ARMC3: variants seen among roughly 807,000 people sequenced by gnomAD.
ARMC3 encodes the protein armadillo repeat containing 3.
A neutral mutation model predicts 90.3 loss-of-function variants in ARMC3; 74 were observed. The ratio of observed to expected loss-of-function variants is 0.82; its 90% CI spans 0.68 to 0.99. The LOEUF is 0.99. Among genes scored for constraint, ARMC3 ranks in the 50% least tolerant of loss-of-function variants. The pLI is 0.00. For synonymous variants in ARMC3, 334 were observed against 361.8 expected (o/e 0.92, Z 0.87); for missense variants, 958 against 1,042.8 (o/e 0.92, Z 1.12).
chr10:22,979,684 A>G (rs1263624446), intron 8 of ARMC3, among the ~76,000 whole-genome samples: 2 of 152,190 alleles, frequency 1.3e-5, no homozygotes, highest in Non-Finnish European at 2.9e-5. Context: ...TTTGGATATT[A>G]CTTATTCAGT....
chr10:23,015,442 A>G (rs1373448557), intron 16 of ARMC3, among the ~76,000 whole-genome samples: 1 of 152,238 alleles, frequency 6.6e-6, no homozygotes, highest in Non-Finnish European at 1.5e-5. Flanking sequence ...AATAGCATTC[A>G]CTAGATCTGT....
At position 23,037,505 on chromosome 10, in the gene ARMC3, T is replaced by C. The variant is rs1219990951; in HGVS notation, c.*26T>C. 1 of 1,588,970 alleles carries C rather than the reference T, an allele frequency of 6.3e-7. No homozygotes were observed. The highest frequency in any genetic ancestry group is 1.7e-5 in the Admixed American group (1 of 58,390). On this transcript the variant is annotated 3_prime_UTR_variant, in exon 19 of 19. Transcript: ENST00000298032. ...GCCATCAGACGAACACAAGAGAGGC[T>C]CAAACAAGAAATTCACTGTGTACAC...
intron 18 of ARMC3, among the ~76,000 whole-genome samples, chr10:23,035,267 C>A (rs1839084349): frequency 6.6e-6 from 1 of 152,134 alleles, no homozygotes; most frequent in African/African-American, 2.4e-5. Flanking sequence ...CCCTCATGAC[C>A]TCATCTAAAC....
chr10:22,966,462 G>A (rs990004659), intron 7 of ARMC3, among the ~76,000 whole-genome samples: 11 of 152,130 alleles, frequency 7.2e-5, no homozygotes, highest in South Asian at 2.1e-4. Context: ...TCTTCTCCAC[G>A]CATGTATAGT....
At chr10:22,997,035 T>C (rs1404377091) in intron 10 of ARMC3, among the ~76,000 whole-genome samples, 1 of 152,194 alleles carries the variant, frequency 6.6e-6, no homozygotes, top group East Asian at 1.9e-4. Flanking sequence ...TCTTGACTTC[T>C]ATTACTATGA....
intron 11 of ARMC3, among the ~76,000 whole-genome samples, chr10:22,999,273 T>G (rs1837169046): frequency 1.3e-5 from 2 of 152,192 alleles, no homozygotes; most frequent in Non-Finnish European, 2.9e-5. Context: ...TTAGGCCAGG[T>G]GCAGTGGCTC....
chr10:22,980,248 T>G (rs1056901222), intron 8 of ARMC3, among the ~76,000 whole-genome samples: 3 of 152,148 alleles, frequency 2.0e-5, no homozygotes, highest in African/African-American at 7.2e-5. Flanking sequence ...ATATCTTGAG[T>G]GCATATCACA....
chr10:22,968,636 G>A, intron 8 of ARMC3, 147 bp downstream of exon 8: 1 of 687,788 alleles, frequency 1.5e-6, no homozygotes, highest in Non-Finnish European at 2.3e-6. Flanking sequence ...CTAGTAGCTG[G>A]GACTACAGGC....
In ARMC3 at chr10:23,026,949, G is replaced by C. The variant is rs1251877017; in HGVS notation, c.2046-3647G>C. 2.0e-5 allele frequency among the ~76,000 whole-genome samples: 3 copies of C among 151,992 alleles called. No individual in the cohort carries two copies. In the East Asian group the frequency reaches 5.8e-4, roughly 29 times the overall value. ...CATATTTTTTTGGTTTCTATTTCTT[G>C]GTCCTCAGTTCTGTTACATCCATCC... On this transcript the variant is annotated intron_variant, in intron 16 of 18. Transcript: ENST00000298032.
chr10:23,000,035 C>T (rs1266460908), intron 11 of ARMC3, among the ~76,000 whole-genome samples: 1 of 152,086 alleles, frequency 6.6e-6, no homozygotes, highest in African/African-American at 2.4e-5. Context: ...TTTTCCCTCC[C>T]CTCCTATTCC....
rs1340418316 is a variant in ARMC3, at chr10:22,998,234, T to C, written c.1262T>C (p.Val421Ala). ...GGAGCCATTGCCAACGCTGCTACAGTATTAACAAACATGGCCATGCAGGAG... is the reference window on the plus strand; with the variant it reads ...GGAGCCATTGCCAACGCTGCTACAGCATTAACAAACATGGCCATGCAGGAG... ...RDGAIANAAT[V>A]LTNMAMQEPL... Residue 421 changes from valine (V) to alanine (A), a missense_variant, in exon 11 of 19, where the codon GTA becomes GCA. Transcript: ENST00000298032. 1 of 1,613,070 alleles carries C rather than the reference T, an allele frequency of 6.2e-7. No individual in the cohort carries two copies. Among genetic ancestry groups the C allele is most frequent in the Non-Finnish European group, 8.5e-7 (1 of 1,179,460 alleles).
At chr10:22,928,365 G>A (rs923026001) in intron 1 of ARMC3, among the ~76,000 whole-genome samples, 1 of 152,178 alleles carries the variant, frequency 6.6e-6, no homozygotes, top group African/African-American at 2.4e-5. Context: ...GTCAGATTCC[G>A]TTACTTGACT....
chr10:22,961,655 AGATCATGT>A (rs1835197757), intron 6 of ARMC3: 1 of 441,556 alleles, frequency 2.3e-6, no homozygotes, highest in Non-Finnish European at 4.0e-6. Context: ...TAAAAGTCAT[AGATCATGT>A]ATATTTTCTG....
At chr10:23,009,938 C>A (rs1837837474) in intron 16 of ARMC3, among the ~76,000 whole-genome samples, 1 of 152,100 alleles carries the variant, frequency 6.6e-6, no homozygotes, top group South Asian at 2.1e-4. Flanking sequence ...GATACCAGAC[C>A]CCTGCTTTCC....
rs571741985 is a variant in ARMC3 at position 22,964,756 on chromosome 10, T to G, written c.732+2678T>G. ...GCACCCGGCCCCCCGTAGTGTTTTT[T>G]TTTTTTCTTTAGTGTTACATTTTAA... On this transcript the variant is annotated intron_variant, in intron 7 of 18. Transcript: ENST00000298032. Among the ~76,000 whole-genome samples the G allele has an allele frequency of 5.3e-5, 8 of 152,004 alleles. No homozygotes were observed. The East Asian group carries it at 1.5e-3, about 29-fold the overall frequency.
At chr10:23,002,691 C>G (rs1034132634) in intron 12 of ARMC3, among the ~76,000 whole-genome samples, 1 of 151,694 alleles carries the variant, frequency 6.6e-6, no homozygotes, top group Non-Finnish European at 1.5e-5. Context: ...ACCTCTGCCC[C>G]CTGGGTTCGC....
intron 11 of ARMC3, among the ~76,000 whole-genome samples, chr10:23,001,331 C>T (rs1233438266): frequency 6.6e-6 from 1 of 152,176 alleles, no homozygotes; most frequent in Non-Finnish European, 1.5e-5. Flanking sequence ...CAGGGGCTTC[C>T]CACATTGCTT....
chr10:23,019,824 C>G (rs999020400), intron 16 of ARMC3, among the ~76,000 whole-genome samples: 2 of 152,052 alleles, frequency 1.3e-5, no homozygotes, highest in Non-Finnish European at 2.9e-5. Context: ...GGATGACATG[C>G]GCAAGCCATC....
At chr10:22,956,468 T>C (rs1039471016) in intron 4 of ARMC3, among the ~76,000 whole-genome samples, 2 of 152,050 alleles carry the variant, frequency 1.3e-5, no homozygotes, top group Admixed American at 6.6e-5. Context: ...CCAGGAATAG[T>C]GGCAGGTGCC....
Sources: gnomAD v4.1 joint callset for allele counts (sites outside exome capture counted in the v4.1 genomes callset) on GRCh38, gnomAD v4.1.1 for gene constraint, MANE v1.5 for transcripts, NCBI Gene and HGNC (gene_info 2026-07-23, HGNC 2026-07-21) for gene names.